Variants in SLC7A11 observed in about 807,000 individuals in gnomAD.
SLC7A11 encodes the protein solute carrier family 7 member 11.
In SLC7A11, 35 loss-of-function variants were observed where a neutral mutation model predicts 54.5. That is an observed-to-expected ratio of 0.64 (90% CI 0.49 to 0.85). SLC7A11 has a LOEUF of 0.85. Ranked by LOEUF, SLC7A11 falls within the 40% of genes least tolerant of loss-of-function variation. The probability of loss-of-function intolerance (pLI) is 0.00; values close to 1 mark genes in which losing one functional copy is unlikely to be tolerated. For missense variants in SLC7A11, 583 were observed against 618.1 expected, an observed-to-expected ratio of 0.94 and a Z score of 0.60; for synonymous variants, 230 against 225.2, an observed-to-expected ratio of 1.02 and a Z score of -0.19.
At chr4:138,214,684 G>T in intron 5 of SLC7A11, 55 bp from the exon 6 acceptor site, 1 of 631,720 alleles carries the variant, frequency 1.6e-6, no homozygotes, top group Non-Finnish European at 2.5e-6. Context: ...ATTATCCAAA[G>T]TCTCAAATTT....
rs1736716583 is a variant in SLC7A11, at chr4:138,180,714, AG to A, written c.1192del (p.Leu398PhefsTer10). 1 of 1,612,948 alleles carries A rather than the reference AG, an allele frequency of 6.2e-7. No homozygotes were observed. The highest frequency in any genetic ancestry group is 1.3e-5 in the African/African-American group (1 of 74,860). On this transcript the variant is annotated frameshift_variant, in exon 10 of 12. Coordinates refer to ENST00000280612, the MANE Select transcript of SLC7A11 (RefSeq NM_014331.4). LOFTEE classifies it high-confidence loss of function. ...CCCAGCAACTGCCAGCCCAATAAAA[AG>A]CCACCTGGCAAAACTGAGGAAATTC... ...LLNFLSFARW[L>X]FIGLAVAGLI...
chr4:138,238,512 T>C (rs1284389880), intron 1 of SLC7A11, among the ~76,000 whole-genome samples: 1 of 152,218 alleles, frequency 6.6e-6, no homozygotes, highest in African/African-American at 2.4e-5. Flanking sequence ...TAAATATAAT[T>C]TGGATATTCA....
Position 138,195,435 on chromosome 4 carries a change from CATT to C in SLC7A11, c.792-10194_792-10192del, listed in dbSNP as rs1377684770. Among the ~76,000 whole-genome samples, 10 of 152,200 alleles carry C rather than the reference CATT, an allele frequency of 6.6e-5. No homozygotes were observed. In the East Asian group the frequency reaches 1.7e-3, roughly 26 times the overall value. ...TGTTAAATATCTTCTATATGCTAGA[CATT>C]ATAATAAGCAAAGGGATAAAGACAT... On this transcript the variant is annotated intron_variant, in intron 6 of 11. Transcript: ENST00000280612.
intron 6 of SLC7A11, among the ~76,000 whole-genome samples, chr4:138,185,902 A>G (rs953764234): frequency 2.6e-5 from 4 of 152,138 alleles, no homozygotes; most frequent in Non-Finnish European, 5.9e-5. Context: ...AGTGTTCACA[A>G]TAATGACTTT....
At position 138,179,207 on chromosome 4, in the gene SLC7A11, A is replaced by C. The variant is rs1456400299; in HGVS notation, c.1444+10T>G. 3.6e-5 allele frequency: 56 copies of C among 1,575,308 alleles called. No individual in the cohort carries two copies. Among genetic ancestry groups the C allele is most frequent in the Non-Finnish European group, 4.8e-5 (55 of 1,145,884 alleles). ...TTGCACAATGTCCTGAAAGTATTTA[A>C]AATTCTTACCCGACATTATTCTAAA... On this transcript the variant is annotated intron_variant, in intron 11 of 11. Transcript: ENST00000280612.
chr4:138,207,411 A>G (rs1366113878), intron 6 of SLC7A11, among the ~76,000 whole-genome samples: 1 of 152,100 alleles, frequency 6.6e-6, no homozygotes, highest in African/African-American at 2.4e-5. Context: ...TCTCATGGAA[A>G]GATGCATTCT....
intron 6 of SLC7A11, among the ~76,000 whole-genome samples, chr4:138,207,678 T>G (rs911049125): frequency 6.6e-6 from 1 of 152,112 alleles, no homozygotes; most frequent in Admixed American, 6.6e-5. Context: ...CACTCCAGCC[T>G]GGGCAGCACA....
intron 6 of SLC7A11, among the ~76,000 whole-genome samples, chr4:138,190,496 C>T (rs1736983733): frequency 1.3e-5 from 2 of 152,080 alleles, no homozygotes; most frequent in Admixed American, 1.3e-4. Context: ...GAAAGCTTTT[C>T]TGTAGGTCTG....
intron 6 of SLC7A11, among the ~76,000 whole-genome samples, chr4:138,192,465 T>C (rs564556198): frequency 6.6e-6 from 1 of 152,298 alleles, no homozygotes; most frequent in East Asian, 1.9e-4. Flanking sequence ...TGGAGTGTTA[T>C]ATAATTTTTA....
chr4:138,185,362 C>T (rs562132386), intron 6 of SLC7A11, 118 bp from the exon 7 acceptor site: 96 of 1,166,878 alleles, frequency 8.2e-5, no homozygotes, highest in Non-Finnish European at 6.2e-5. Context: ...TAATTATAGG[C>T]TCTGTTGGGT....
At chr4:138,207,678 T>C (rs911049125) in intron 6 of SLC7A11, among the ~76,000 whole-genome samples, 20 of 152,112 alleles carry the variant, frequency 1.3e-4, no homozygotes, top group Non-Finnish European at 2.6e-4. Flanking sequence ...CACTCCAGCC[T>C]GGGCAGCACA....
intron 6 of SLC7A11, among the ~76,000 whole-genome samples, chr4:138,208,571 C>T (rs1270309694): frequency 6.6e-6 from 1 of 152,062 alleles, no homozygotes; most frequent in Non-Finnish European, 1.5e-5. Flanking sequence ...TACACTTGCA[C>T]AAGCACTAGG....
rs149501581 is a variant in SLC7A11, at chr4:138,210,028, AC to A, written c.791+4556del. On this transcript the variant is annotated intron_variant, in intron 6 of 11. Coordinates refer to ENST00000280612, the MANE Select transcript of SLC7A11 (RefSeq NM_014331.4). ...GTTACAGTAACCCAAACAGAATGAT[AC>A]AGGTACAAAAGCAGACAAATAAACT... Among the ~76,000 whole-genome samples the A allele has an allele frequency of 2.5e-3, 375 of 152,168 alleles. 1 individual carries two copies. Among genetic ancestry groups the A allele is most frequent in the African/African-American group, 8.7e-3 (360 of 41,564 alleles).
chr4:138,185,174 A>C lies in SLC7A11; in HGVS notation c.862T>G (p.Tyr288Asp). 2.5e-6 allele frequency: 4 copies of C among 1,613,046 alleles called. No homozygotes were observed. The highest frequency in any genetic ancestry group is 1.1e-5 in the South Asian group (1 of 91,072). Residue 288 changes from tyrosine to aspartate, a missense_variant, in exon 7 of 12, where the codon TAC becomes GAC. Transcript: ENST00000280612. ...TIGYVLTNVA[Y>D]FTTINAEELL... ...TCCTCAGCATTAATGGTCGTAAAGT[A>C]GGCCACATTTGTCAGCACATAGCCA...
intron 9 of SLC7A11, 68 bp downstream of exon 9, chr4:138,182,229 G>T: frequency 1.0e-6 from 1 of 986,908 alleles, no homozygotes; most frequent in Non-Finnish European, 1.6e-6. Flanking sequence ...CTAATGTCTG[G>T]TTGGAATTCC....
chr4:138,170,233 A>ATATATATATATATATATATATAGT lies in SLC7A11; in HGVS notation c.*1722_*1723insACTATATATATATATATATATATA, dbSNP rs1491293485. ...TATATATATATATATATATATAAAA[A>ATATATATATATATATATATATAGT]GTGTGTGTGTGTGTGTGTATATATA... is the stretch of plus-strand genomic sequence containing the variant. On this transcript the variant is annotated 3_prime_UTR_variant, in exon 12 of 12. Coordinates refer to ENST00000280612, the MANE Select transcript of SLC7A11 (RefSeq NM_014331.4). 1 of 98,628 alleles carries ATATATATATATATATATATATAGT rather than the reference A, an allele frequency of 1.0e-5. No individual in the cohort carries two copies. Among genetic ancestry groups the ATATATATATATATATATATATAGT allele is most frequent in the Non-Finnish European group, 2.0e-5 (1 of 50,414 alleles). The allele number at this position is 98,628 out of a possible 1,614,324, so 6.1% of individuals were successfully genotyped here.
intron 6 of SLC7A11, among the ~76,000 whole-genome samples, chr4:138,199,667 G>C (rs1262880781): frequency 6.6e-6 from 1 of 151,974 alleles, no homozygotes; most frequent in East Asian, 1.9e-4. Flanking sequence ...CAGCAATAGA[G>C]CAGAACTAGC....
chr4:138,184,995 C>T, intron 7 of SLC7A11, 126 bp downstream of exon 7: 2 of 1,006,854 alleles, frequency 2.0e-6, no homozygotes, highest in African/African-American at 3.3e-5. Flanking sequence ...TTTAAATATT[C>T]ACTATTATTC....
intron 6 of SLC7A11, among the ~76,000 whole-genome samples, chr4:138,193,549 C>G (rs562197636): frequency 6.6e-6 from 1 of 152,228 alleles, no homozygotes; most frequent in African/African-American, 2.4e-5. Context: ...CACCTGTAAT[C>G]CTAGCACTTT....
Sources: allele counts gnomAD v4.1 joint callset (sites outside exome capture counted in the v4.1 genomes callset), GRCh38; gene constraint gnomAD v4.1.1; transcripts MANE v1.5; gene names NCBI Gene and HGNC (gene_info 2026-07-23, HGNC 2026-07-21).